Variants in EML1 observed in about 807,000 individuals in gnomAD.
EML1 encodes the protein EMAP like 1.
Under a neutral mutation model 110.4 loss-of-function variants are expected in EML1, and 27 were observed. The ratio of observed to expected loss-of-function variants is 0.24; its 90% confidence interval spans 0.18 to 0.34. The LOEUF (loss-of-function observed/expected upper bound fraction) is 0.34. Ranked by LOEUF, EML1 falls within the 10% of genes least tolerant of loss-of-function variation. The probability of loss-of-function intolerance (pLI) is 1.00; values close to 1 mark genes in which losing one functional copy is unlikely to be tolerated. For synonymous variants in EML1, 344 were observed against 385.8 expected (o/e 0.89, Z 1.27); for missense variants, 741 against 1,030.9 (o/e 0.72, Z 3.85).
Position 99,931,817 on chromosome 14 carries a change from G to T in EML1, c.1910-4212G>T, listed in dbSNP as rs544533424. 1.4e-4 allele frequency among the ~76,000 whole-genome samples: 22 copies of T among 152,312 alleles called. No individual in the cohort carries two copies. The South Asian group carries it at 4.3e-3, about 30-fold the overall frequency. The stretch of plus-strand genomic sequence containing the variant: ...GGATGAATGTAGGTAAAAGAGCTAG[G>T]ATTTGAACCCAGGTTTTTCTGCCTC... On this transcript the variant is annotated intron_variant, in intron 17 of 21. Coordinates refer to ENST00000262233, the MANE Select transcript of EML1 (RefSeq NM_004434.3).
intron 2 of EML1, among the ~76,000 whole-genome samples, chr14:99,853,956 C>A (rs910428937): frequency 6.6e-6 from 1 of 152,224 alleles, no homozygotes; most frequent in African/African-American, 2.4e-5. Flanking sequence ...CAGGCATGAG[C>A]CACCGCATCT....
chr14:99,916,181 A>G (rs903069868), intron 15 of EML1, among the ~76,000 whole-genome samples: 1 of 152,220 alleles, frequency 6.6e-6, no homozygotes, highest in Non-Finnish European at 1.5e-5. Flanking sequence ...ACTGCAATGA[A>G]GTTCTAGCTC....
chr14:99,793,873 C>T (rs2057719033), intron 1 of EML1, among the ~76,000 whole-genome samples: 2 of 151,422 alleles, frequency 1.3e-5, no homozygotes, highest in Non-Finnish European at 2.9e-5. Context: ...GCCCGGGCAG[C>T]CTCCGCGTTC....
intron 5 of EML1, among the ~76,000 whole-genome samples, chr14:99,893,344 GC>G (rs1427522089): frequency 2.0e-5 from 3 of 152,172 alleles, no homozygotes; most frequent in Non-Finnish European, 4.4e-5. Context: ...TGGTGATGGG[GC>G]CCCAGTGCAC....
intron 1 of EML1, among the ~76,000 whole-genome samples, chr14:99,822,275 A>G (rs115879376): frequency 0.031 from 4,720 of 152,306 alleles, 93 homozygotes; most frequent in Non-Finnish European, 0.041. Context: ...TGCAGGCACT[A>G]TATATGAGAA....
At chr14:99,760,418 A>G (rs1269790820) in intron 1 of EML1, among the ~76,000 whole-genome samples, 2 of 152,176 alleles carry the variant, frequency 1.3e-5, no homozygotes, top group African/African-American at 2.4e-5. Context: ...CGTAATGACC[A>G]TTTTAACAAC....
chr14:99,889,146 G>A (rs928639414), intron 4 of EML1, among the ~76,000 whole-genome samples: 1 of 152,216 alleles, frequency 6.6e-6, no homozygotes, highest in African/African-American at 2.4e-5. Flanking sequence ...AGCTGAGAGA[G>A]AGCCCTTTGA....
At chr14:99,753,176 C>G (rs1424388501) in intron 1 of EML1, among the ~76,000 whole-genome samples, 4 of 85,366 alleles carry the variant, frequency 4.7e-5, no homozygotes, top group African/African-American at 1.5e-4. Context: ...GCAGCCCCCA[C>G]CCCCCTACCC....
At position 99,882,232 on chromosome 14, in the gene EML1, G is replaced by C. The variant is rs376722394; in HGVS notation, c.518+3613G>C. Among the ~76,000 whole-genome samples, 345 of 152,284 alleles carry C rather than the reference G, an allele frequency of 2.3e-3. 1 individual carries two copies. Among genetic ancestry groups the C allele is most frequent in the African/African-American group, 8.0e-3 (334 of 41,560 alleles). On this transcript the variant is annotated intron_variant, in intron 4 of 21. Transcript: ENST00000262233. ...ATTGGCAATAACATCGTGATGGAAG[G>C]CTTGTAAAATGTAGCCAGTGAACTA...
intron 1 of EML1, among the ~76,000 whole-genome samples, chr14:99,759,796 G>A (rs768670015): frequency 2.0e-5 from 3 of 152,164 alleles, no homozygotes; most frequent in African/African-American, 7.2e-5. Flanking sequence ...CCTGGAAAAC[G>A]CTCTTTGCGT....
At chr14:99,836,844 G>A (rs1053734305) in intron 1 of EML1, among the ~76,000 whole-genome samples, 14 of 152,068 alleles carry the variant, frequency 9.2e-5, no homozygotes, top group Non-Finnish European at 2.1e-4. Flanking sequence ...TTGTTAGGGG[G>A]ACCAGAGTAG....
chr14:99,917,879 G>A (rs773394133), intron 16 of EML1, 30 bp downstream of exon 16: 174 of 1,610,954 alleles, frequency 1.1e-4, no homozygotes, highest in Non-Finnish European at 1.4e-4. Flanking sequence ...GCTTGTGCTT[G>A]CAAAGCTTAT....
intron 9 of EML1, among the ~76,000 whole-genome samples, chr14:99,904,321 C>T (rs1227066573): frequency 1.3e-5 from 2 of 152,116 alleles, no homozygotes; most frequent in Non-Finnish European, 2.9e-5. Context: ...CTTGCTTAAA[C>T]TTTGAGCTTT....
intron 17 of EML1, among the ~76,000 whole-genome samples, chr14:99,922,735 A>G (rs1387659011): frequency 6.6e-6 from 1 of 152,116 alleles, no homozygotes; most frequent in Non-Finnish European, 1.5e-5. Context: ...TTCCCTAATG[A>G]CTATTGATAT....
rs374707544 is a variant in EML1, at chr14:99,760,533, T to C, written c.28+22673T>C. Among the ~76,000 whole-genome samples, 206 of 152,294 alleles carry C rather than the reference T, an allele frequency of 1.4e-3. 1 individual carries two copies. Among genetic ancestry groups the C allele is most frequent in the African/African-American group, 4.3e-3 (180 of 41,550 alleles). On this transcript the variant is annotated intron_variant, in intron 1 of 10. Coordinates refer to the EML1 transcript ENST00000554479. Reference sequence around the variant, plus strand: ...GAACGCACCGTTCAAAGGAAACGACTTTTAGACTTTCATGAATTTAATTCT... The same window carrying C: ...GAACGCACCGTTCAAAGGAAACGACCTTTAGACTTTCATGAATTTAATTCT...
At position 99,936,443 on chromosome 14, in the gene EML1, C is replaced by T. The variant is rs2060473056; in HGVS notation, c.2095+109C>T. Reference sequence around the variant, plus strand: ...CCTCCTGTATGACTTAGGCACGTGCCATCATCTCTAGGTCATGGTTTCCGC... The same window carrying T: ...CCTCCTGTATGACTTAGGCACGTGCTATCATCTCTAGGTCATGGTTTCCGC... On this transcript the variant is annotated intron_variant, in intron 19 of 21. Transcript: ENST00000262233. The surrounding 1 kb of genome is among the most constrained non-coding windows in gnomAD (Gnocchi z 5.5). The T allele has an allele frequency of 1.0e-6, 1 of 985,922 alleles. No individual in the cohort carries two copies. The highest frequency in any genetic ancestry group is 1.5e-6 in the Non-Finnish European group (1 of 646,246). The allele number at this position is 985,922 out of a possible 1,614,324, so 61.1% of individuals were successfully genotyped here.
At chr14:99,779,202 C>G (rs1362417549) in intron 1 of EML1, among the ~76,000 whole-genome samples, 1 of 151,520 alleles carries the variant, frequency 6.6e-6, no homozygotes, top group South Asian at 2.1e-4. Context: ...CATTTTTTTC[C>G]TCCTATATTC....
chr14:99,776,946 T>C (rs1270842067), intron 1 of EML1, among the ~76,000 whole-genome samples: 1 of 152,198 alleles, frequency 6.6e-6, no homozygotes, highest in Non-Finnish European at 1.5e-5. Flanking sequence ...AAATGTAGAA[T>C]TGAGAGTTCT....
upstream of EML1, among the ~76,000 whole-genome samples, chr14:99,771,689 G>A (rs2057429980): frequency 6.6e-6 from 1 of 152,176 alleles, no homozygotes; most frequent in South Asian, 2.1e-4. Context: ...GTGTGTGCCT[G>A]CAGTCCCAGC....
Sources: gnomAD v4.1 joint callset for allele counts (sites outside exome capture counted in the v4.1 genomes callset) on GRCh38, gnomAD v4.1.1 for gene constraint, Gnocchi (gnomAD v3.1) non-coding constraint, MANE v1.5 for transcripts, NCBI Gene and HGNC (gene_info 2026-07-23, HGNC 2026-07-21) for gene names.